Variants in PRDM5 observed in about 807,000 individuals in gnomAD.
PRDM5 encodes the protein PR/SET domain 5.
Under a neutral mutation model 81.2 loss-of-function variants are expected in PRDM5, and 56 were observed. The ratio of observed to expected loss-of-function variants is 0.69; its 90% confidence interval spans 0.56 to 0.86. The LOEUF (loss-of-function observed/expected upper bound fraction) is 0.86. PRDM5 is among the 40% of genes least tolerant of loss of function. The pLI, the probability that PRDM5 is intolerant of heterozygous loss-of-function variation, is 0.00. For missense variants in PRDM5, 697 were observed against 770.1 expected (o/e 0.91, Z 1.12); for synonymous variants, 267 against 256.4 (o/e 1.04, Z -0.39).
chr4:120,713,804 C>A (rs1366761162), intron 14 of PRDM5, among the ~76,000 whole-genome samples: 2 of 152,276 alleles, frequency 1.3e-5, no homozygotes, highest in Middle Eastern at 3.4e-3. Context: ...TCACTATAAA[C>A]AACAGACATT....
At chr4:120,817,940 T>G (rs1165530681) in intron 5 of PRDM5, among the ~76,000 whole-genome samples, 1 of 152,134 alleles carries the variant, frequency 6.6e-6, no homozygotes, top group Non-Finnish European at 1.5e-5. Flanking sequence ...TACTTTGAAC[T>G]CCCCATTTCT....
At chr4:120,919,793 C>T (rs988534942) in intron 1 of PRDM5, among the ~76,000 whole-genome samples, 9 of 152,242 alleles carry the variant, frequency 5.9e-5, no homozygotes, top group African/African-American at 2.2e-4. Flanking sequence ...TGGCACACAG[C>T]ATGCAAAAAG....
intron 14 of PRDM5, among the ~76,000 whole-genome samples, chr4:120,751,348 A>T (rs1275409541): frequency 6.6e-6 from 1 of 152,104 alleles, no homozygotes; most frequent in Non-Finnish European, 1.5e-5. Flanking sequence ...AATAGAAATT[A>T]GAAACAGAGA....
At chr4:120,754,220 T>C (rs1174778189) in intron 14 of PRDM5, among the ~76,000 whole-genome samples, 2 of 152,194 alleles carry the variant, frequency 1.3e-5, no homozygotes, top group Non-Finnish European at 2.9e-5. Context: ...AATGTTCCTA[T>C]TACTGGTGAA....
intron 11 of PRDM5, 137 bp from the exon 12 acceptor site, chr4:120,781,440 C>A: frequency 1.3e-6 from 1 of 780,598 alleles, no homozygotes; most frequent in South Asian, 1.6e-5. Context: ...TTTTTTACAA[C>A]AAATTCCAGT....
chr4:120,820,152 A>G (rs1345851476), intron 4 of PRDM5, among the ~76,000 whole-genome samples: 2 of 152,348 alleles, frequency 1.3e-5, no homozygotes, highest in South Asian at 4.1e-4. Context: ...TGGGCCCTTT[A>G]GGAGATGATT....
intron 2 of PRDM5, among the ~76,000 whole-genome samples, chr4:120,891,293 C>A (rs1041759317): frequency 6.6e-6 from 1 of 152,162 alleles, no homozygotes; most frequent in African/African-American, 2.4e-5. Context: ...TTATCCATTT[C>A]TTCTAGGCTT....
At chr4:120,841,582 C>T (rs1479576870) in intron 3 of PRDM5, among the ~76,000 whole-genome samples, 2 of 152,134 alleles carry the variant, frequency 1.3e-5, no homozygotes, top group African/African-American at 4.8e-5. Flanking sequence ...AACATATTTC[C>T]AATTTTGAAA....
chr4:120,798,480 A>G, intron 9 of PRDM5, 56 bp from the exon 10 acceptor site: 1 of 1,486,230 alleles, frequency 6.7e-7, no homozygotes, highest in Non-Finnish European at 9.3e-7. Flanking sequence ...AAAGGATAAA[A>G]GAGAAAACAC....
At chr4:120,771,835 A>T (rs2087785889) in intron 13 of PRDM5, among the ~76,000 whole-genome samples, 1 of 152,208 alleles carries the variant, frequency 6.6e-6, no homozygotes, top group Admixed American at 6.6e-5. Context: ...CAATTCATTT[A>T]ACTTTGGAAA....
intron 14 of PRDM5, among the ~76,000 whole-genome samples, chr4:120,737,916 C>T (rs1203517230): frequency 1.3e-5 from 2 of 152,170 alleles, no homozygotes; most frequent in African/African-American, 4.8e-5. Flanking sequence ...CATAATTTCA[C>T]TTCATTCCTT....
chr4:120,823,408 G>C (rs1396537714), intron 3 of PRDM5, among the ~76,000 whole-genome samples: 1 of 152,026 alleles, frequency 6.6e-6, no homozygotes, highest in Non-Finnish European at 1.5e-5. Context: ...GTTTTTCTCT[G>C]TTTGCCAAAA....
chr4:120,794,693 G>A (rs772991166), intron 10 of PRDM5, among the ~76,000 whole-genome samples: 1 of 150,662 alleles, frequency 6.6e-6, no homozygotes, highest in Non-Finnish European at 1.5e-5. Context: ...GCACAATCTT[G>A]GCTCACTGCA....
At chr4:120,814,729 C>T (rs1754268722) in intron 7 of PRDM5, among the ~76,000 whole-genome samples, 6 of 152,168 alleles carry the variant, frequency 3.9e-5, no homozygotes, top group Admixed American at 2.6e-4. Context: ...AATATTCTTT[C>T]CTCCAATGCC....
At chr4:120,776,953 C>T (rs1391607712) in intron 13 of PRDM5, among the ~76,000 whole-genome samples, 3 of 152,104 alleles carry the variant, frequency 2.0e-5, no homozygotes, top group Admixed American at 2.0e-4. Context: ...TATATCACAA[C>T]CAAACATTAA....
chr4:120,821,210 C>G lies in PRDM5; in HGVS notation c.436G>C (p.Val146Leu), dbSNP rs771430048. 6.2e-7 allele frequency: 1 copy of G among 1,614,164 alleles called. No individual in the cohort carries two copies. Among genetic ancestry groups the G allele is most frequent in the East Asian group, 2.2e-5 (1 of 44,872 alleles). ...QIMTVIKEGEVENSRRQSTAG... is the reference protein window; with the variant it reads ...QIMTVIKEGELENSRRQSTAG... ...GTTGATTGTCTTCTAGAATTTTCAA[C>G]TTCCCCTTCTTTGATGACTGTCATA... is the stretch of plus-strand genomic sequence containing the variant. The change falls in exon 4 of 16, where the codon GTT (valine) becomes CTT (leucine). Residue 146 changes from valine (V) to leucine (L), a missense_variant. Transcript: ENST00000264808.
intron 8 of PRDM5, among the ~76,000 whole-genome samples, chr4:120,802,851 G>A (rs1340374785): frequency 6.6e-6 from 1 of 152,192 alleles, no homozygotes; most frequent in African/African-American, 2.4e-5. Context: ...AACAAAGCTG[G>A]ATGGAGAATG....
In PRDM5 at chr4:120,760,864, A is replaced by G. The variant is rs181877392; in HGVS notation, c.1538-6226T>C. On this transcript the variant is annotated intron_variant, in intron 13 of 15. Coordinates refer to ENST00000264808, the MANE Select transcript of PRDM5 (RefSeq NM_018699.4). Reference sequence around the variant, plus strand: ...CAATTTTACTAGTGTGATGAGAAAGACAAGAAAAAGTTAAAGAAAATATAT... The same window carrying G: ...CAATTTTACTAGTGTGATGAGAAAGGCAAGAAAAAGTTAAAGAAAATATAT... Among the ~76,000 whole-genome samples, 512 of 152,292 alleles carry G rather than the reference A, an allele frequency of 3.4e-3. 6 individuals carry two copies. Among genetic ancestry groups the G allele is most frequent in the Non-Finnish European group, 3.0e-3 (202 of 68,032 alleles).
At chr4:120,779,761 G>C (rs953700809) in intron 12 of PRDM5, among the ~76,000 whole-genome samples, 2 of 152,082 alleles carry the variant, frequency 1.3e-5, no homozygotes, top group Non-Finnish European at 2.9e-5. Context: ...AAATTAGCCA[G>C]GCGTGGTAGC....
Sources: allele counts gnomAD v4.1 joint callset (sites outside exome capture counted in the v4.1 genomes callset), GRCh38; gene constraint gnomAD v4.1.1; transcripts MANE v1.5; gene names NCBI Gene and HGNC (gene_info 2026-07-23, HGNC 2026-07-21).